Variants in GBE1 observed in about 807,000 individuals in gnomAD.
GBE1 encodes 1,4-alpha-glucan-branching enzyme.
In GBE1, 70 loss-of-function variants were observed where a neutral mutation model predicts 88.8. That is an observed-to-expected ratio of 0.79 (90% CI 0.65 to 0.96). The LOEUF (loss-of-function observed/expected upper bound fraction) is 0.96. GBE1 is among the 40% of genes least tolerant of loss of function. GBE1 has a pLI of 0.00. For missense variants in GBE1, 872 were observed against 871.0 expected (o/e 1.00, Z -0.01); for synonymous variants, 284 against 300.1 (o/e 0.95, Z 0.56).
chr3:81,671,570 A>G (rs1356763127), intron 2 of GBE1, among the ~76,000 whole-genome samples: 1 of 152,140 alleles, frequency 6.6e-6, no homozygotes, highest in Non-Finnish European at 1.5e-5. Flanking sequence ...TGAGTAAAGG[A>G]CACACTATTT....
At chr3:81,691,807 T>C (rs1160958249) in intron 2 of GBE1, among the ~76,000 whole-genome samples, 1 of 151,994 alleles carries the variant, frequency 6.6e-6, no homozygotes. Context: ...TTAAATAAAA[T>C]AATACAGTTG....
intron 14 of GBE1, among the ~76,000 whole-genome samples, chr3:81,526,554 C>T (rs1219068114): frequency 6.6e-6 from 1 of 152,076 alleles, no homozygotes; most frequent in Non-Finnish European, 1.5e-5. Flanking sequence ...GCAAAAATCA[C>T]AAGCATTCTT....
intron 12 of GBE1, among the ~76,000 whole-genome samples, chr3:81,551,270 A>G (rs1198144853): frequency 2.6e-5 from 4 of 152,162 alleles, no homozygotes; most frequent in African/African-American, 7.2e-5. Flanking sequence ...AGAACTCACA[A>G]TTTAATAGGA....
intron 7 of GBE1, among the ~76,000 whole-genome samples, chr3:81,617,660 A>G (rs1243822169): frequency 1.3e-5 from 2 of 151,876 alleles, no homozygotes; most frequent in African/African-American, 4.8e-5. Context: ...TTCACGAGGA[A>G]TATTGACCCG....
At chr3:81,721,057 C>G (rs1381316580) in intron 1 of GBE1, among the ~76,000 whole-genome samples, 4 of 46,526 alleles carry the variant, frequency 8.6e-5, no homozygotes, top group Admixed American at 3.1e-4. Context: ...GTGGTGGGGT[C>G]GGGGGAGGGG....
chr3:81,755,322 T>C (rs114021107), intron 1 of GBE1, among the ~76,000 whole-genome samples: 2,306 of 152,164 alleles, frequency 0.015, 65 homozygotes, highest in African/African-American at 0.052. Context: ...CAGTAACAGA[T>C]GCTGGTTAGG....
intron 14 of GBE1, among the ~76,000 whole-genome samples, chr3:81,501,112 A>C (rs189268717): frequency 6.6e-6 from 1 of 152,326 alleles, no homozygotes; most frequent in Non-Finnish European, 1.5e-5. Context: ...TAAAAGTTAA[A>C]AAGAAAAAAG....
intron 1 of GBE1, among the ~76,000 whole-genome samples, chr3:81,742,572 C>A (rs1706363410): frequency 6.6e-6 from 1 of 152,008 alleles, no homozygotes; most frequent in Non-Finnish European, 1.5e-5. Flanking sequence ...AAAAAGGAAA[C>A]CTTCTTAGGA....
intron 3 of GBE1, among the ~76,000 whole-genome samples, chr3:81,655,820 A>G (rs1704931295): frequency 6.6e-6 from 1 of 152,156 alleles, no homozygotes; most frequent in Admixed American, 6.6e-5. Flanking sequence ...ACGCCCAGCC[A>G]AATGTGTGTT....
At chr3:81,550,444 A>G (rs1342724913) in intron 12 of GBE1, among the ~76,000 whole-genome samples, 1 of 151,410 alleles carries the variant, frequency 6.6e-6, no homozygotes, top group Non-Finnish European at 1.5e-5. Context: ...ATAACCTTTA[A>G]GAGTTCTCTT....
intron 14 of GBE1, among the ~76,000 whole-genome samples, chr3:81,504,973 A>G (rs1479503107): frequency 6.6e-6 from 1 of 152,212 alleles, no homozygotes; most frequent in Non-Finnish European, 1.5e-5. Context: ...AGAGTTCTCC[A>G]GTGACTAGAC....
intron 10 of GBE1, among the ~76,000 whole-genome samples, chr3:81,582,981 C>T (rs1274070076): frequency 6.6e-6 from 1 of 151,762 alleles, no homozygotes; most frequent in Non-Finnish European, 1.5e-5. Context: ...ACCATGTATC[C>T]GGCAAAGAAG....
chr3:81,666,325 C>A (rs1375722431), intron 3 of GBE1, among the ~76,000 whole-genome samples: 1 of 152,124 alleles, frequency 6.6e-6, no homozygotes, highest in African/African-American at 2.4e-5. Context: ...ATAAGAAGGG[C>A]TACTTTTCTT....
At chr3:81,538,493 T>G (rs1270099603) in intron 12 of GBE1, among the ~76,000 whole-genome samples, 3 of 151,966 alleles carry the variant, frequency 2.0e-5, no homozygotes, top group Non-Finnish European at 4.4e-5. Flanking sequence ...TTGTCCACAG[T>G]GTGTCATAGC....
intron 7 of GBE1, among the ~76,000 whole-genome samples, chr3:81,604,301 T>G (rs1184113619): frequency 1.3e-5 from 2 of 149,830 alleles, no homozygotes; most frequent in African/African-American, 4.9e-5. Flanking sequence ...TTTTTTTTTT[T>G]TTTTGAGAAA....
At chr3:81,592,784 T>C (rs143160385) in intron 8 of GBE1, among the ~76,000 whole-genome samples, 2 of 152,274 alleles carry the variant, frequency 1.3e-5, no homozygotes, top group East Asian at 3.9e-4. Context: ...TGTTTAAATC[T>C]AGGAAAAGAT....
chr3:81,606,427 T>C (rs907278235), intron 7 of GBE1, among the ~76,000 whole-genome samples: 2 of 152,260 alleles, frequency 1.3e-5, no homozygotes, highest in African/African-American at 4.8e-5. Context: ...ATGATTTATG[T>C]TCAGGTCAAA....
intron 7 of GBE1, among the ~76,000 whole-genome samples, chr3:81,594,808 G>A (rs570284726): frequency 2.6e-5 from 4 of 151,976 alleles, no homozygotes; most frequent in African/African-American, 9.6e-5. Flanking sequence ...TTGAAATAAA[G>A]GCATCATCAA....
At chr3:81,569,009 T>A (rs1703535258) in intron 12 of GBE1, among the ~76,000 whole-genome samples, 1 of 152,102 alleles carries the variant, frequency 6.6e-6, no homozygotes, top group Non-Finnish European at 1.5e-5. Context: ...ATTGACATTT[T>A]AAAGATCTAA....
Sources: allele counts gnomAD v4.1 joint callset (sites outside exome capture counted in the v4.1 genomes callset), GRCh38; gene constraint gnomAD v4.1.1; transcripts MANE v1.5; gene names NCBI Gene and HGNC (gene_info 2026-07-23, HGNC 2026-07-21).